SLC35D4: variants seen among roughly 807,000 people sequenced by gnomAD.
SLC35D4 encodes the protein solute carrier family 35 member D4.
At chr18:23,334,793 A>G in the SLC35D4 span, among the ~76,000 whole-genome samples, 1 of 152,094 alleles carries the variant, frequency 6.6e-6, no homozygotes, top group African/African-American at 2.4e-5. Context: ...TTGAGGTCGG[A>G]CGGGTTCGAG....
At chr18:23,267,347 G>A in the SLC35D4 span, among the ~76,000 whole-genome samples, 18 of 152,066 alleles carry the variant, frequency 1.2e-4, no homozygotes, top group Non-Finnish European at 1.6e-4. Flanking sequence ...CCAAGCCCAC[G>A]CTCCTCTCAA....
chr18:23,327,753 A>G, the SLC35D4 span, among the ~76,000 whole-genome samples: 3 of 152,226 alleles, frequency 2.0e-5, no homozygotes, highest in Non-Finnish European at 4.4e-5. Flanking sequence ...CACAACAAAA[A>G]AAGAGAATTT....
chr18:23,245,435 C>T, the SLC35D4 span, among the ~76,000 whole-genome samples: 15 of 150,086 alleles, frequency 1.0e-4, no homozygotes, highest in Non-Finnish European at 2.1e-4. Context: ...CGCTTGAACC[C>T]GGGAGGCGGA....
the SLC35D4 span, chr18:23,352,146 T>C: frequency 6.6e-7 from 1 of 1,524,010 alleles, no homozygotes; most frequent in Non-Finnish European, 8.9e-7. Context: ...CTGAGATCTT[T>C]GGATACACAG....
At chr18:23,252,784 A>C in the SLC35D4 span, among the ~76,000 whole-genome samples, 2 of 152,172 alleles carry the variant, frequency 1.3e-5, no homozygotes, top group African/African-American at 4.8e-5. Flanking sequence ...GTTCGCCTCC[A>C]GAAGGCCACA....
chr18:23,367,913 TA>T, the SLC35D4 span, among the ~76,000 whole-genome samples: 6 of 152,074 alleles, frequency 3.9e-5, no homozygotes, highest in Non-Finnish European at 2.9e-5. Context: ...TATAAGATTA[TA>T]AATTACATGT....
chr18:23,423,921 C>T, the SLC35D4 span, among the ~76,000 whole-genome samples: 5 of 152,146 alleles, frequency 3.3e-5, no homozygotes, highest in Non-Finnish European at 7.4e-5. Context: ...GGGGCTGATC[C>T]TGAAGGACCA....
the SLC35D4 span, among the ~76,000 whole-genome samples, chr18:23,286,904 G>T: frequency 6.6e-6 from 1 of 151,748 alleles, no homozygotes; most frequent in Non-Finnish European, 1.5e-5. Flanking sequence ...CCAATCCAAA[G>T]CCTCCTTTGC....
the SLC35D4 span, among the ~76,000 whole-genome samples, chr18:23,341,042 T>C: frequency 6.6e-6 from 1 of 152,336 alleles, no homozygotes; most frequent in South Asian, 2.1e-4. Flanking sequence ...TCCTTTCACG[T>C]CTACACACGT....
the SLC35D4 span, among the ~76,000 whole-genome samples, chr18:23,307,936 C>T: frequency 6.6e-6 from 1 of 152,122 alleles, no homozygotes; most frequent in Admixed American, 6.5e-5. Flanking sequence ...AAGAGCCTGC[C>T]TGTCCCGGTC....
chr18:23,293,845 T>A, the SLC35D4 span, among the ~76,000 whole-genome samples: 3 of 152,202 alleles, frequency 2.0e-5, no homozygotes, highest in Non-Finnish European at 2.9e-5. Flanking sequence ...CAGGCTGGAG[T>A]GCAGTGGCAC....
the SLC35D4 span, among the ~76,000 whole-genome samples, chr18:23,344,239 C>T: frequency 6.6e-6 from 1 of 152,164 alleles, no homozygotes; most frequent in East Asian, 1.9e-4. Flanking sequence ...GCTACATTTT[C>T]TTTATCCAGT....
chr18:23,376,703 T>C, the SLC35D4 span: 3 of 446,338 alleles, frequency 6.7e-6, no homozygotes, highest in South Asian at 4.7e-5. Context: ...TGCTTCCCCA[T>C]CCATGGAGAA....
At chr18:23,411,636 T>A in the SLC35D4 span, among the ~76,000 whole-genome samples, 3 of 151,966 alleles carry the variant, frequency 2.0e-5, no homozygotes, top group Admixed American at 2.0e-4. Flanking sequence ...TGCCAAGGGG[T>A]CTAATTTGAA....
the SLC35D4 span, among the ~76,000 whole-genome samples, chr18:23,335,350 A>G: frequency 1.2e-4 from 18 of 152,210 alleles, no homozygotes; most frequent in African/African-American, 4.1e-4. Flanking sequence ...AAATTTCCCA[A>G]GAGCTGCTTC....
At chr18:23,400,690 T>G in the SLC35D4 span, among the ~76,000 whole-genome samples, 1 of 152,132 alleles carries the variant, frequency 6.6e-6, no homozygotes, top group Non-Finnish European at 1.5e-5. Context: ...ATCCTAATAA[T>G]GAATAAAAAT....
At chr18:23,285,751 C>T in the SLC35D4 span, among the ~76,000 whole-genome samples, 2 of 152,136 alleles carry the variant, frequency 1.3e-5, no homozygotes, top group African/African-American at 4.8e-5. Context: ...CTCCGCTTCT[C>T]CACCCTATAA....
chr18:23,408,124 A>G, the SLC35D4 span, among the ~76,000 whole-genome samples: 1 of 143,404 alleles, frequency 7.0e-6, no homozygotes, highest in African/African-American at 2.6e-5. Context: ...TCTCTATAAA[A>G]TAACCCCCTA....
chr18:23,424,839 G>C, the SLC35D4 span, among the ~76,000 whole-genome samples: 2 of 152,204 alleles, frequency 1.3e-5, no homozygotes, highest in Non-Finnish European at 2.9e-5. Context: ...GGGTGACAGA[G>C]AGGGAGCCTG....
Sources: gnomAD v4.1 joint callset for allele counts (sites outside exome capture counted in the v4.1 genomes callset) on GRCh38, gnomAD v4.1.1 for gene constraint, MANE v1.5 for transcripts, NCBI Gene and HGNC (gene_info 2026-07-23, HGNC 2026-07-21) for gene names.